The following ATP9B variants were observed in gnomAD, a reference collection of about 807,000 sequenced individuals.
ATP9B encodes the protein ATPase phospholipid transporting 9B, also known as probable phospholipid-transporting ATPase IIB.
A neutral mutation model predicts 146.1 loss-of-function variants in ATP9B; 110 were observed. That is an observed-to-expected ratio of 0.75 (90% CI 0.65 to 0.88). The LOEUF is 0.88. Among genes scored for constraint, ATP9B ranks in the 40% least tolerant of loss-of-function variants. The probability of loss-of-function intolerance (pLI) is 0.00; values close to 1 mark genes in which losing one functional copy is unlikely to be tolerated. For synonymous variants in ATP9B, 604 were observed against 569.7 expected, an observed-to-expected ratio of 1.06 and a Z score of -0.86; for missense variants, 1,499 against 1,496.4, an observed-to-expected ratio of 1.00 and a Z score of -0.03.
intron 25 of ATP9B, chr18:79,352,612 G>C (rs2096928383): frequency 1.3e-5 from 2 of 150,752 alleles, no homozygotes; most frequent in Non-Finnish European, 2.9e-5. Context: ...CAGCCACATG[G>C]CCTCGAAACC....
rs1240655952 is a variant in ATP9B at position 79,193,195 on chromosome 18, A to G, written c.886A>G (p.Ile296Val). The G allele has an allele frequency of 2.5e-6, 4 of 1,605,790 alleles. No individual in the cohort carries two copies. Among genetic ancestry groups the G allele is most frequent in the African/African-American group, 2.7e-5 (2 of 74,690 alleles). Residue 296 changes from isoleucine (I) to valine (V), a missense_variant, in exon 9 of 30, where the codon ATC becomes GTC. Ile to Val is a conservative substitution (Grantham distance 29, BLOSUM62 3). Coordinates refer to ENST00000426216, the MANE Select transcript of ATP9B (RefSeq NM_198531.5). ...TTCTGTATTCCAGGACCTTTTTTCT[A>G]TCAGTGCTTATGTTTATGCTCAGAA... ...QLPALGDLFS[I>V]SAYVYAQKPQ...
At chr18:79,321,601 A>G (rs73003826) in intron 15 of ATP9B, among the ~76,000 whole-genome samples, 2 of 152,314 alleles carry the variant, frequency 1.3e-5, no homozygotes, top group Non-Finnish European at 2.9e-5. Flanking sequence ...AAGTTACATG[A>G]GAACAGTAAT....
At position 79,287,884 on chromosome 18, in the gene ATP9B, C is replaced by G. The variant is rs1385415851; in HGVS notation, c.1411+10688C>G. Among the ~76,000 whole-genome samples the G allele has an allele frequency of 6.3e-3, 943 of 149,816 alleles. 6 individuals are homozygous for G. Among genetic ancestry groups the G allele is most frequent in the African/African-American group, 0.021 (881 of 41,008 alleles). ...TTCATTTCGTTATGTACCCAGTAGT[C>G]ATTCAGGAGCAGGTTGTTCAGTTTC... On this transcript the variant is annotated intron_variant, in intron 13 of 29. Transcript: ENST00000426216.
At chr18:79,122,588 T>C (rs545122111) in intron 4 of ATP9B, among the ~76,000 whole-genome samples, 1 of 152,332 alleles carries the variant, frequency 6.6e-6, no homozygotes, top group East Asian at 1.9e-4. Context: ...ATATTCATGC[T>C]GTGATCCTAT....
At chr18:79,187,601 C>T (rs976662117) in intron 8 of ATP9B, among the ~76,000 whole-genome samples, 1 of 152,200 alleles carries the variant, frequency 6.6e-6, no homozygotes, top group Non-Finnish European at 1.5e-5. Flanking sequence ...CGAGCCATTT[C>T]TTCATTTTGT....
intron 7 of ATP9B, among the ~76,000 whole-genome samples, chr18:79,162,115 T>C (rs907824678): frequency 6.6e-6 from 1 of 152,242 alleles, no homozygotes; most frequent in Non-Finnish European, 1.5e-5. Context: ...TGAAAAAATC[T>C]GATAATACAC....
intron 2 of ATP9B, 88 bp downstream of exon 2, chr18:79,096,737 T>A: frequency 9.4e-7 from 1 of 1,068,262 alleles, no homozygotes; most frequent in Non-Finnish European, 1.3e-6. Flanking sequence ...TATATTAATA[T>A]AAAAACTCAA....
intron 12 of ATP9B, among the ~76,000 whole-genome samples, chr18:79,264,828 T>C (rs145672194): frequency 6.6e-6 from 1 of 152,326 alleles, no homozygotes; most frequent in East Asian, 1.9e-4. Context: ...TGGGCCTGTT[T>C]TGGTTACCTG....
At position 79,143,834 on chromosome 18, in the gene ATP9B, G is replaced by T; in HGVS notation, c.700G>T (p.Val234Phe). The T allele has an allele frequency of 1.9e-6, 3 of 1,588,324 alleles. No individual in the cohort carries two copies. The highest frequency in any genetic ancestry group is 2.6e-6 in the Non-Finnish European group (3 of 1,169,604). Residue 234 changes from valine (V) to phenylalanine (F), a missense_variant, in exon 6 of 30, where the codon GTT becomes TTT. Coordinates refer to ENST00000426216, the MANE Select transcript of ATP9B (RefSeq NM_198531.5). ...KVQVKSSDIQ[V>F]GDLIIVEKNQ... ...GCAAGTTAAGAGTTCAGACATACAA[G>T]TTGGAGACCTCATCATAGTGGAAAA...
At chr18:79,120,770 C>A (rs1439285339) in intron 4 of ATP9B, among the ~76,000 whole-genome samples, 1 of 152,154 alleles carries the variant, frequency 6.6e-6, no homozygotes, top group Non-Finnish European at 1.5e-5. Flanking sequence ...TATAAAATGT[C>A]TTCTGCTACT....
At chr18:79,207,055 G>C in intron 10 of ATP9B, 43 bp downstream of exon 10, 1 of 1,571,932 alleles carries the variant, frequency 6.4e-7, no homozygotes. Flanking sequence ...CTCCCGGATA[G>C]ATGATGCTTT....
chr18:79,259,685 T>C (rs1382464826), intron 12 of ATP9B, among the ~76,000 whole-genome samples: 1 of 152,138 alleles, frequency 6.6e-6, no homozygotes, highest in African/African-American at 2.4e-5. Flanking sequence ...AAGTGCTCTG[T>C]GCAGTCAGCA....
At chr18:79,120,639 G>C (rs1284357545) in intron 4 of ATP9B, among the ~76,000 whole-genome samples, 2 of 152,152 alleles carry the variant, frequency 1.3e-5, no homozygotes, top group Non-Finnish European at 2.9e-5. Flanking sequence ...TGTAATCAGA[G>C]TAACAAAACA....
At chr18:79,223,718 A>G (rs1198191137) in intron 11 of ATP9B, among the ~76,000 whole-genome samples, 1 of 152,222 alleles carries the variant, frequency 6.6e-6, no homozygotes, top group Non-Finnish European at 1.5e-5. Context: ...ACACTTTGAT[A>G]TGACAGCTGC....
At chr18:79,211,340 A>AAGGCACATAG (rs1263121615) in intron 10 of ATP9B, among the ~76,000 whole-genome samples, 12 of 152,232 alleles carry the variant, frequency 7.9e-5, no homozygotes, top group African/African-American at 2.7e-4. Flanking sequence ...TGTAGCAAGG[A>AAGGCACATAG]AGGCACATAG....
At chr18:79,357,397 T>C (rs59043222) in intron 25 of ATP9B, among the ~76,000 whole-genome samples, 17 of 3,874 alleles carry the variant, frequency 4.4e-3, no homozygotes, top group South Asian at 0.026. Context: ...GTGAGGGGTG[T>C]CCTGGGTCTG....
At chr18:79,330,260 G>C (rs1364981483) in intron 17 of ATP9B, among the ~76,000 whole-genome samples, 156 bp downstream of exon 17, 3 of 152,158 alleles carry the variant, frequency 2.0e-5, no homozygotes, top group African/African-American at 7.2e-5. Context: ...GGTATCATTG[G>C]ATGAATTGAG....
At chr18:79,087,875 T>TC (rs2073978466) in intron 1 of ATP9B, among the ~76,000 whole-genome samples, 1 of 152,228 alleles carries the variant, frequency 6.6e-6, no homozygotes, top group Non-Finnish European at 1.5e-5. Context: ...TCATCTTTGT[T>TC]CATAATTGTT....
intron 12 of ATP9B, among the ~76,000 whole-genome samples, chr18:79,262,342 A>G (rs2096151854): frequency 1.3e-5 from 2 of 152,296 alleles, no homozygotes; most frequent in South Asian, 4.2e-4. Context: ...AGCATGGCTA[A>G]TTCATGAACT....
Sources: allele counts gnomAD v4.1 joint callset (sites outside exome capture counted in the v4.1 genomes callset), GRCh38; gene constraint gnomAD v4.1.1; transcripts MANE v1.5; gene names NCBI Gene and HGNC (gene_info 2026-07-23, HGNC 2026-07-21).